The following BMERB1 variants were observed in gnomAD, a reference collection of about 807,000 sequenced individuals.
BMERB1 encodes the protein bMERB domain containing 1, also known as bMERB domain-containing protein 1.
In BMERB1, 12 loss-of-function variants were observed where a neutral mutation model predicts 23.6. The observed-to-expected ratio is 0.51, with a 90% confidence interval of 0.33 to 0.82. The LOEUF is 0.82. Among genes scored for constraint, BMERB1 ranks in the 40% least tolerant of loss-of-function variants. The pLI, the probability that BMERB1 is intolerant of heterozygous loss-of-function variation, is 0.03. For synonymous variants in BMERB1, 122 were observed against 96.6 expected, an observed-to-expected ratio of 1.26 and a Z score of -1.54; for missense variants, 247 against 255.4, an observed-to-expected ratio of 0.97 and a Z score of 0.22.
intron 1 of BMERB1, among the ~76,000 whole-genome samples, chr16:15,467,326 A>C (rs1364556697): frequency 6.6e-6 from 1 of 152,144 alleles, no homozygotes; most frequent in African/African-American, 2.4e-5. Context: ...CAAGGGATTC[A>C]GTTTCTTCCC....
chr16:15,516,393 C>T (rs1211215051), intron 2 of BMERB1, among the ~76,000 whole-genome samples: 1 of 151,962 alleles, frequency 6.6e-6, no homozygotes, highest in Non-Finnish European at 1.5e-5. Context: ...GCACTCCAAC[C>T]TGGGAGACAC....
chr16:15,547,152 C>T (rs1323023813), intron 2 of BMERB1, among the ~76,000 whole-genome samples: 1 of 150,460 alleles, frequency 6.6e-6, no homozygotes, highest in Non-Finnish European at 1.5e-5. Context: ...GCTGGGATTA[C>T]AGGCATGCGC....
chr16:15,565,674 C>T lies in BMERB1; in HGVS notation c.231-2309C>T, dbSNP rs568488228. On this transcript the variant is annotated intron_variant, in intron 2 of 5. Transcript: ENST00000300006. Reference sequence around the variant, plus strand: ...GACCAACCTGGTAAACAGCAAGACCCCATCTCTATGAAAATTTTAAAAATT... The same window carrying T: ...GACCAACCTGGTAAACAGCAAGACCTCATCTCTATGAAAATTTTAAAAATT... 8.5e-5 allele frequency among the ~76,000 whole-genome samples: 13 copies of T among 152,200 alleles called. No individual in the cohort carries two copies. In the South Asian group the frequency reaches 2.7e-3, roughly 32 times the overall value.
chr16:15,463,931 C>A (rs2051159051), intron 1 of BMERB1, among the ~76,000 whole-genome samples: 1 of 151,732 alleles, frequency 6.6e-6, no homozygotes, highest in Admixed American at 6.6e-5. Flanking sequence ...GGTCCTGATC[C>A]AGACTGCAAG....
intron 1 of BMERB1, among the ~76,000 whole-genome samples, chr16:15,500,848 C>A (rs2051520300): frequency 6.6e-6 from 1 of 152,266 alleles, no homozygotes; most frequent in African/African-American, 2.4e-5. Context: ...GATGGGGTTT[C>A]ACCATGTTGT....
intron 1 of BMERB1, among the ~76,000 whole-genome samples, chr16:15,452,723 C>G (rs2051052961): frequency 6.6e-6 from 1 of 152,158 alleles, no homozygotes. Context: ...AGTCTCAGGA[C>G]AATGGTGGTT....
intron 2 of BMERB1, among the ~76,000 whole-genome samples, chr16:15,550,952 A>T (rs535158463): frequency 1.3e-5 from 2 of 152,280 alleles, no homozygotes; most frequent in African/African-American, 4.8e-5. Flanking sequence ...GGAGGGATGG[A>T]CTTGGGAGTG....
chr16:15,565,921 T>C (rs1436957376), intron 2 of BMERB1, among the ~76,000 whole-genome samples: 1 of 152,172 alleles, frequency 6.6e-6, no homozygotes, highest in African/African-American at 2.4e-5. Context: ...GGGAAGTTAT[T>C]TGAAGATACA....
At chr16:15,576,211 T>G (rs1176944202) in intron 3 of BMERB1, among the ~76,000 whole-genome samples, 1 of 151,784 alleles carries the variant, frequency 6.6e-6, no homozygotes, top group Non-Finnish European at 1.5e-5. Context: ...GCCCGGCAAA[T>G]TTTGTTTTTG....
At chr16:15,566,122 G>A (rs193151961) in intron 2 of BMERB1, among the ~76,000 whole-genome samples, 4 of 152,154 alleles carry the variant, frequency 2.6e-5, no homozygotes, top group African/African-American at 4.8e-5. Flanking sequence ...GCACAATCCC[G>A]ATGAATCTCA....
chr16:15,538,571 GA>G (rs1416846913), intron 2 of BMERB1, among the ~76,000 whole-genome samples: 3 of 152,156 alleles, frequency 2.0e-5, no homozygotes, highest in Non-Finnish European at 4.4e-5. Flanking sequence ...AGACCTGTTA[GA>G]ACTGACCTTG....
At chr16:15,522,585 T>C (rs1567483431) in intron 2 of BMERB1, among the ~76,000 whole-genome samples, 1 of 152,220 alleles carries the variant, frequency 6.6e-6, no homozygotes, top group Non-Finnish European at 1.5e-5. Flanking sequence ...TCACATAGCC[T>C]TTATTTTATA....
chr16:15,533,600 G>A (rs1346457538), intron 2 of BMERB1, among the ~76,000 whole-genome samples: 1 of 152,120 alleles, frequency 6.6e-6, no homozygotes, highest in Non-Finnish European at 1.5e-5. Context: ...GTCCAAATTT[G>A]CTCAGTCTGG....
chr16:15,515,172 T>A, intron 1 of BMERB1, 133 bp from the exon 2 acceptor site: 1 of 1,204,008 alleles, frequency 8.3e-7, no homozygotes, highest in Non-Finnish European at 1.2e-6. Context: ...TACACATTTG[T>A]GGCACAGGCT....
intron 2 of BMERB1, among the ~76,000 whole-genome samples, chr16:15,516,660 T>A (rs2051763221): frequency 8.1e-6 from 1 of 122,926 alleles, no homozygotes; most frequent in African/African-American, 3.1e-5. Context: ...GCTAGGCCCC[T>A]CCCCTATTCT....
intron 1 of BMERB1, among the ~76,000 whole-genome samples, chr16:15,462,776 C>T (rs570126101): frequency 2.6e-5 from 4 of 152,090 alleles, no homozygotes; most frequent in Non-Finnish European, 5.9e-5. Flanking sequence ...ATATATCATG[C>T]TTTTAAGGAG....
chr16:15,573,475 G>A (rs980276737), intron 3 of BMERB1, among the ~76,000 whole-genome samples: 84 of 152,198 alleles, frequency 5.5e-4, no homozygotes, highest in African/African-American at 1.7e-3. Flanking sequence ...TGGTTGGGTC[G>A]GAGATGAAAT....
At chr16:15,477,198 G>T (rs2051281754) in intron 1 of BMERB1, among the ~76,000 whole-genome samples, 1 of 152,112 alleles carries the variant, frequency 6.6e-6, no homozygotes, top group South Asian at 2.1e-4. Context: ...ACTTAGAATT[G>T]TGTGTGGAAG....
intron 2 of BMERB1, among the ~76,000 whole-genome samples, chr16:15,549,287 C>CAAGA (rs2030011272): frequency 7.2e-6 from 1 of 139,090 alleles, no homozygotes; most frequent in African/African-American, 2.8e-5. Context: ...TGCAGTAAGC[C>CAAGA]CAGATCAAGA....
Sources: allele counts gnomAD v4.1 joint callset (sites outside exome capture counted in the v4.1 genomes callset), GRCh38; gene constraint gnomAD v4.1.1; transcripts MANE v1.5; gene names NCBI Gene and HGNC (gene_info 2026-07-23, HGNC 2026-07-21).